The following LRIT3 variants were observed in gnomAD, a reference collection of about 807,000 sequenced individuals.
The protein encoded by LRIT3 is leucine rich repeat, Ig-like and transmembrane domains 3.
A neutral mutation model predicts 22.6 loss-of-function variants in LRIT3; 14 were observed. That is an observed-to-expected ratio of 0.62 (90% CI 0.41 to 0.97). LRIT3 has a LOEUF of 0.97. Ranked by LOEUF, LRIT3 falls within the 50% of genes least tolerant of loss-of-function variation. The pLI is 0.00. For synonymous variants in LRIT3, 306 were observed against 304.5 expected (o/e 1.01, Z -0.05); for missense variants, 783 against 803.0 (o/e 0.98, Z 0.30).
At chr4:109,852,408 A>G (rs1351778127) in intron 2 of LRIT3, among the ~76,000 whole-genome samples, 1 of 152,212 alleles carries the variant, frequency 6.6e-6, no homozygotes, top group Non-Finnish European at 1.5e-5. Flanking sequence ...TTTATGCGAT[A>G]GCAGTGGCTT....
intron 2 of LRIT3, among the ~76,000 whole-genome samples, chr4:109,853,807 C>T (rs1204767511): frequency 1.3e-5 from 2 of 152,150 alleles, no homozygotes; most frequent in Admixed American, 6.5e-5. Flanking sequence ...CTGCATATGG[C>T]TAGCCAGTTT....
chr4:109,866,917 G>A lies in LRIT3; in HGVS notation c.590-724G>A, dbSNP rs531022869. Among the ~76,000 whole-genome samples the A allele has an allele frequency of 5.3e-5, 8 of 152,282 alleles. No homozygotes were observed. In the South Asian group the frequency reaches 1.7e-3, roughly 32 times the overall value. On this transcript the variant is annotated intron_variant, in intron 2 of 3. Coordinates refer to ENST00000594814, the MANE Select transcript of LRIT3 (RefSeq NM_198506.5). ...CTCTCTTGAAGGGAGTATTGAGCAA[G>A]TCACCTTCATGGTCACCATATATGA...
Position 109,869,839 on chromosome 4 carries a change from C to T in LRIT3, c.1090C>T (p.His364Tyr), listed in dbSNP as rs1397173850. ...PPDTSERTGD[H>Y]PEWDVQPGSG... ...AGACACTTCTGAAAGAACTGGAGATCATCCTGAGTGGGATGTCCAGCCGGG... is the reference window on the plus strand; with the variant it reads ...AGACACTTCTGAAAGAACTGGAGATTATCCTGAGTGGGATGTCCAGCCGGG... Residue 364 changes from histidine to tyrosine, a missense_variant, in exon 4 of 4, where the codon CAT becomes TAT. By Grantham distance (83) the His-to-Tyr change is moderately conservative. Coordinates refer to ENST00000594814, the MANE Select transcript of LRIT3 (RefSeq NM_198506.5). 3.7e-6 allele frequency: 6 copies of T among 1,613,994 alleles called. No individual in the cohort carries two copies. In the East Asian group the frequency reaches 6.7e-5, roughly 18 times the overall value.
intron 1 of LRIT3, among the ~76,000 whole-genome samples, chr4:109,848,690 A>G (rs77033680): frequency 2.0e-5 from 3 of 152,322 alleles, no homozygotes; most frequent in South Asian, 4.2e-4. Context: ...GCTGCGTGAC[A>G]TGCTCAGATC....
chr4:109,868,551 T>A lies in LRIT3; in HGVS notation c.895+605T>A, dbSNP rs868643370. Among the ~76,000 whole-genome samples the A allele has an allele frequency of 4.1e-5, 5 of 122,286 alleles. 1 individual carries two copies. Among genetic ancestry groups the A allele is most frequent in the African/African-American group, 1.4e-4 (4 of 28,070 alleles). The allele number at this position is 122,286 out of a possible 152,430, so 80.2% of individuals were successfully genotyped here. On this transcript the variant is annotated intron_variant, in intron 3 of 3. Coordinates refer to ENST00000594814, the MANE Select transcript of LRIT3 (RefSeq NM_198506.5). ...GCACCACTGCAGAGTAAGACTGTCT[T>A]AAAAAAAAAAAAAAAAAAAAAAGGA... is the stretch of plus-strand genomic sequence containing the variant.
At chr4:109,865,160 C>T in intron 2 of LRIT3, 1 of 1,452,458 alleles carries the variant, frequency 6.9e-7, no homozygotes, top group Non-Finnish European at 9.4e-7. Context: ...TAGCATTTAT[C>T]TAGTCAACTC....
At position 109,870,032 on chromosome 4, in the gene LRIT3, CA is replaced by C; in HGVS notation, c.1285del (p.Ser429AlafsTer24). On this transcript the variant is annotated frameshift_variant, in exon 4 of 4. Coordinates refer to ENST00000594814, the MANE Select transcript of LRIT3 (RefSeq NM_198506.5). LOFTEE classifies it low-confidence loss of function (END_TRUNC). ...STVSSTTTLS[T>X]SISASTTMAN... ...GTTTCTTCAACCACAACTCTGAGCA[CA>C]AGCATCTCAGCAAGTACCACCATGG... is the stretch of plus-strand genomic sequence containing the variant. The C allele has an allele frequency of 6.2e-7, 1 of 1,614,178 alleles. No homozygotes were observed. Among genetic ancestry groups the C allele is most frequent in the Non-Finnish European group, 8.5e-7 (1 of 1,180,030 alleles).
chr4:109,866,201 T>C (rs985934818), intron 2 of LRIT3, among the ~76,000 whole-genome samples: 38 of 143,478 alleles, frequency 2.6e-4, no homozygotes, highest in African/African-American at 1.1e-3. Context: ...GGTTAGAATT[T>C]GTAAAATTGC....
chr4:109,859,605 G>A (rs1734485919), intron 2 of LRIT3, among the ~76,000 whole-genome samples: 1 of 152,160 alleles, frequency 6.6e-6, no homozygotes, highest in Admixed American at 6.6e-5. Flanking sequence ...AAGAGCCATG[G>A]CAAGATGAGG....
At chr4:109,864,973 C>A in intron 2 of LRIT3, 1 of 934,376 alleles carries the variant, frequency 1.1e-6, no homozygotes, top group South Asian at 2.5e-5. Flanking sequence ...ATCTTTAGCA[C>A]CTCAATCAAT....
At chr4:109,856,603 T>G (rs1396836211) in intron 2 of LRIT3, among the ~76,000 whole-genome samples, 1 of 152,200 alleles carries the variant, frequency 6.6e-6, no homozygotes, top group East Asian at 1.9e-4. Context: ...TCCTTGTAAA[T>G]GGCGTTTTAC....
rs1347254089 is a variant in LRIT3 at position 109,867,689 on chromosome 4, T to C, written c.638T>C (p.Ile213Thr). 6.2e-7 allele frequency: 1 copy of C among 1,614,180 alleles called. No individual in the cohort carries two copies. Among genetic ancestry groups the C allele is most frequent in the Non-Finnish European group, 8.5e-7 (1 of 1,179,994 alleles). Residue 213 changes from isoleucine (I) to threonine (T), a missense_variant, in exon 3 of 4, where the codon ATT becomes ACT. This residue lies in a region of LRIT3 where 756 missense variants were observed against 753.8 expected (regional missense o/e 1.00). Transcript: ENST00000594814. The part of the protein sequence containing the change: ...WFCDCHISKM[I>T]ELSKVVDPAI... ...TGTGACTGTCATATTTCCAAAATGA[T>C]TGAGTTGTCAAAGGTCGTTGACCCT...
chr4:109,870,204 C>T lies in LRIT3; in HGVS notation c.1455C>T (p.Ala485=), dbSNP rs149304853. 1.7e-3 allele frequency: 2,736 copies of T among 1,614,038 alleles called. 4 individuals carry two copies. The highest frequency in any genetic ancestry group is 2.5e-3 in the Admixed American group (148 of 60,000). The change falls in exon 4 of 4, where the codon GCC becomes GCT. Residue 485 remains alanine, a synonymous_variant. Coordinates refer to ENST00000594814, the MANE Select transcript of LRIT3 (RefSeq NM_198506.5). ...AAACAATGCTTACGGAGACAAATGC[C>T]GCAATAGAAAACCTCAGGGTGGTCA... is the stretch of plus-strand genomic sequence containing the variant. The part of the protein sequence containing the change: ...LDQTMLTETN[A]AIENLRVVSE...
rs1009021970 is a variant in LRIT3 at position 109,872,226 on chromosome 4, T to A, written c.*1437T>A. 17 of 152,274 alleles carry A rather than the reference T, an allele frequency of 1.1e-4. No individual in the cohort carries two copies. The highest frequency in any genetic ancestry group is 4.1e-4 in the African/African-American group (17 of 41,474). The allele number at this position is 152,274 out of a possible 1,614,324, so 9.4% of individuals were successfully genotyped here. ...AAGCTCTCCTAGTCAGTTGGTCATC[T>A]GACCTCTGACTATATCCGGCCTATG... is the stretch of plus-strand genomic sequence containing the variant. On this transcript the variant is annotated 3_prime_UTR_variant, in exon 4 of 4. Coordinates refer to ENST00000594814, the MANE Select transcript of LRIT3 (RefSeq NM_198506.5).
chr4:109,851,397 G>A (rs1579371516), intron 1 of LRIT3, 107 bp from the exon 2 acceptor site: 1 of 1,420,976 alleles, frequency 7.0e-7, no homozygotes, highest in East Asian at 2.5e-5. Flanking sequence ...TTACAGGCGT[G>A]AGCCACTGCC....
At chr4:109,849,307 A>T (rs943438394) in intron 1 of LRIT3, among the ~76,000 whole-genome samples, 1 of 152,214 alleles carries the variant, frequency 6.6e-6, no homozygotes, top group African/African-American at 2.4e-5. Flanking sequence ...TTGTCCAGGG[A>T]CGTGTAGCAG....
chr4:109,870,070 T>C lies in LRIT3; in HGVS notation c.1321T>C (p.Ser441Pro). The change falls in exon 4 of 4, where the codon TCA becomes CCA. Residue 441 changes from serine to proline, a missense_variant. This residue lies in a region of LRIT3 where 756 missense variants were observed against 753.8 expected (regional missense o/e 1.00). Transcript: ENST00000594814. Reference sequence around the variant, plus strand: ...AAGTACCACCATGGCCAACAAGCGATCATTCCAGCTCCACCAAGGTGGGAA... The same window carrying C: ...AAGTACCACCATGGCCAACAAGCGACCATTCCAGCTCCACCAAGGTGGGAA... The part of the protein sequence containing the change: ...SASTTMANKR[S>P]FQLHQGGKRN... The C allele has an allele frequency of 1.2e-6, 2 of 1,614,178 alleles. No individual in the cohort carries two copies. The highest frequency in any genetic ancestry group is 1.7e-6 in the Non-Finnish European group (2 of 1,180,038).
chr4:109,868,551 TAAAAAA>T lies in LRIT3; in HGVS notation c.895+622_895+627del, dbSNP rs11387409. 4.1e-5 allele frequency among the ~76,000 whole-genome samples: 5 copies of T among 122,316 alleles called. No homozygotes were observed. In the Admixed American group the frequency reaches 4.4e-4, roughly 11 times the overall value. The allele number at this position is 122,316 out of a possible 152,430, so 80.2% of individuals were successfully genotyped here. A position where few individuals can be genotyped will look rare whatever the true frequency, so the allele number is the denominator to read the frequency against. On this transcript the variant is annotated intron_variant, in intron 3 of 3. Transcript: ENST00000594814. ...GCACCACTGCAGAGTAAGACTGTCT[TAAAAAA>T]AAAAAAAAAAAAAAAAGGACGGGGG...
Position 109,870,106 on chromosome 4 carries a change from A to G in LRIT3, c.1357A>G (p.Lys453Glu). 6.2e-7 allele frequency: 1 copy of G among 1,614,210 alleles called. No individual in the cohort carries two copies. The highest frequency in any genetic ancestry group is 8.5e-7 in the Non-Finnish European group (1 of 1,180,022). The change falls in exon 4 of 4, where the codon AAG (lysine) becomes GAG (glutamate). Residue 453 changes from lysine (K) to glutamate (E), a missense_variant. Transcript: ENST00000594814. Reference protein sequence around the residue: ...QLHQGGKRNLKVAKNGSKLPP... With the variant: ...QLHQGGKRNLEVAKNGSKLPP... ...CCACCAAGGTGGGAAAAGAAATTTAAAGGTGGCAAAGAATGGAAGTAAGCT... is the reference window on the plus strand; with the variant it reads ...CCACCAAGGTGGGAAAAGAAATTTAGAGGTGGCAAAGAATGGAAGTAAGCT...
Sources: allele counts gnomAD v4.1 joint callset (sites outside exome capture counted in the v4.1 genomes callset), GRCh38; gene constraint gnomAD v4.1.1; regional missense constraint gnomAD v4.1.1; transcripts MANE v1.5; gene names NCBI Gene and HGNC (gene_info 2026-07-23, HGNC 2026-07-21).